The following SEMA6C variants were observed in gnomAD, a reference collection of about 807,000 sequenced individuals.
SEMA6C encodes the protein semaphorin 6C, also known as semaphorin-6C.
A neutral mutation model predicts 72.9 loss-of-function variants in SEMA6C; 37 were observed. That is an observed-to-expected ratio of 0.51 (90% CI 0.39 to 0.67). The LOEUF (loss-of-function observed/expected upper bound fraction) is 0.67. Ranked by LOEUF, SEMA6C falls within the 30% of genes least tolerant of loss-of-function variation. SEMA6C has a pLI of 0.00. For missense variants in SEMA6C, 1,189 were observed against 1,263.6 expected (o/e 0.94, Z 0.89); for synonymous variants, 578 against 554.1 (o/e 1.04, Z -0.61).
chr1:151,135,702 A>G lies in SEMA6C; in HGVS notation c.1322T>C (p.Met441Thr). The change falls in exon 14 of 19, where the codon ATG becomes ACG. Residue 441 changes from methionine (M) to threonine (T), a missense_variant. Around this residue, in one of 2 missense-constraint regions of SEMA6C, gnomAD observed 468 missense variants for 577.4 expected, o/e 0.81. Coordinates refer to ENST00000368914, the MANE Select transcript of SEMA6C (RefSeq NM_030913.6). ...TGTCCCATCATTGGAGCCAAGGAAC[A>G]TGACTGTGATGTTACTGTGGGGACC... ...MAGPHSNITV[M>T]FLGSNDGTVL... 3.7e-6 allele frequency: 6 copies of G among 1,614,154 alleles called. No homozygotes were observed. The highest frequency in any genetic ancestry group is 2.2e-5 in the East Asian group (1 of 44,880).
At position 151,135,196 on chromosome 1, in the gene SEMA6C, A is replaced by G; in HGVS notation, c.1547T>C (p.Leu516Pro). 1 of 1,614,098 alleles carries G rather than the reference A, an allele frequency of 6.2e-7. No individual in the cohort carries two copies. The highest frequency in any genetic ancestry group is 8.5e-7 in the Non-Finnish European group (1 of 1,179,968). ...GGCCCCATGCCGGGCACACCGGCTG[A>G]GAGGGAGGTAGACAATACAGCCAGA... ...AFSGCIVYLP[L>P]SRCARHGACQ... The change falls in exon 15 of 19, where the codon CTC (leucine) becomes CCC (proline). Residue 516 changes from leucine (L) to proline (P), a missense_variant. By Grantham distance (98) the Leu-to-Pro change is moderately conservative. Coordinates refer to ENST00000368914, the MANE Select transcript of SEMA6C (RefSeq NM_030913.6).
chr1:151,136,857 C>T lies in SEMA6C; in HGVS notation c.974G>A (p.Ser325Asn). ...LFGVFTTQTN[S>N]IPGSAVCAFY... Reference sequence around the variant, plus strand: ...TCACACTAGTCAGCCTAGTACCAACCTATTGGTCTGGGTGGTGAAGACCCC... The same window carrying T: ...TCACACTAGTCAGCCTAGTACCAACTTATTGGTCTGGGTGGTGAAGACCCC... The change falls in exon 11 of 19, where the codon AGC becomes AAC. Residue 325 changes from serine to asparagine, a missense_variant and splice_region_variant. By Grantham distance (46) the Ser-to-Asn change is conservative. Transcript: ENST00000368914. The T allele has an allele frequency of 1.2e-6, 2 of 1,613,334 alleles. No individual in the cohort carries two copies. The highest frequency in any genetic ancestry group is 4.5e-5 in the East Asian group (2 of 44,874).
chr1:151,134,452 A>G lies in SEMA6C; in HGVS notation c.1715-7T>C, dbSNP rs779384789. The G allele has an allele frequency of 1.2e-6, 2 of 1,605,128 alleles. No homozygotes were observed. The highest frequency in any genetic ancestry group is 1.7e-6 in the Non-Finnish European group (2 of 1,175,430). ...TGACTCCCAGTAGCTCCATCTATGAAGAAGGGACAGGGTGAAGATGGGGGG... is the reference window on the plus strand; with the variant it reads ...TGACTCCCAGTAGCTCCATCTATGAGGAAGGGACAGGGTGAAGATGGGGGG... On this transcript the variant is annotated splice_region_variant and splice_polypyrimidine_tract_variant and intron_variant, in intron 17 of 18. Transcript: ENST00000368914.
In SEMA6C at chr1:151,137,696, T is replaced by G. The variant is rs769049826; in HGVS notation, c.756+15A>C. On this transcript the variant is annotated intron_variant, in intron 10 of 18. Coordinates refer to ENST00000368914, the MANE Select transcript of SEMA6C (RefSeq NM_030913.6). ...AGAACCCTCCAGCTACCCACCCTGA[T>G]GCCCACCTCCTTACCCTCCCCAGCC... 2.5e-6 allele frequency: 4 copies of G among 1,604,952 alleles called. No individual in the cohort carries two copies. Among genetic ancestry groups the G allele is most frequent in the South Asian group, 1.1e-5 (1 of 90,316 alleles).
chr1:151,139,342 G>A, intron 6 of SEMA6C, 83 bp downstream of exon 6: 1 of 1,121,216 alleles, frequency 8.9e-7, no homozygotes, highest in Non-Finnish European at 1.4e-6. Flanking sequence ...GAAGGAAATT[G>A]GGCATAGTAG....
chr1:151,139,405 A>G lies in SEMA6C; in HGVS notation c.354+20T>C, dbSNP rs759662800. 2 of 1,609,046 alleles carry G rather than the reference A, an allele frequency of 1.2e-6. No individual in the cohort carries two copies. The highest frequency in any genetic ancestry group is 1.1e-5 in the South Asian group (1 of 90,946). Reference sequence around the variant, plus strand: ...AGAGTAATCCTCTCCTTCCCTCCACATTCTCGTCTCACTCCTTACCGTCAG... The same window carrying G: ...AGAGTAATCCTCTCCTTCCCTCCACGTTCTCGTCTCACTCCTTACCGTCAG... On this transcript the variant is annotated intron_variant, in intron 6 of 18. Coordinates refer to ENST00000368914, the MANE Select transcript of SEMA6C (RefSeq NM_030913.6).
Position 151,138,613 on chromosome 1 carries a change from C to T in SEMA6C, c.456+17G>A. ...TCCCCCCAACTCCCATCCTAACCCC[C>T]ACCCTCTCTTTTGTACCCCATAGCT... is the stretch of plus-strand genomic sequence containing the variant. On this transcript the variant is annotated intron_variant, in intron 7 of 18. Coordinates refer to ENST00000368914, the MANE Select transcript of SEMA6C (RefSeq NM_030913.6). 1 of 1,610,404 alleles carries T rather than the reference C, an allele frequency of 6.2e-7. No individual in the cohort carries two copies. The highest frequency in any genetic ancestry group is 8.5e-7 in the Non-Finnish European group (1 of 1,176,552).
In SEMA6C at chr1:151,139,966, G is replaced by A. The variant is rs1682393179; in HGVS notation, c.233+10C>T. On this transcript the variant is annotated intron_variant, in intron 4 of 18. Transcript: ENST00000368914. ...ATGTCTGCCCCACAACTGTGCCACGGCCAGTTTACCGGGCAGCCACTAGCA... is the reference window on the plus strand; with the variant it reads ...ATGTCTGCCCCACAACTGTGCCACGACCAGTTTACCGGGCAGCCACTAGCA... The A allele has an allele frequency of 6.2e-7, 1 of 1,611,574 alleles. No homozygotes were observed.
Position 151,133,632 on chromosome 1 carries a change from T to G in SEMA6C, c.1760-115A>C. 1 of 1,417,608 alleles carries G rather than the reference T, an allele frequency of 7.1e-7. No homozygotes were observed. Among genetic ancestry groups the G allele is most frequent in the Non-Finnish European group, 9.2e-7 (1 of 1,083,712 alleles). 87.8% of individuals were successfully genotyped at this position (1,417,608 alleles called of 1,614,324 possible). ...ACATCATCGTCCCTCCCGCTGCTAC[T>G]CAGCCTCACTCCTACAGCCTCCACC... On this transcript the variant is annotated intron_variant, in intron 18 of 18. Transcript: ENST00000368914. The surrounding 1 kb of genome is among the most constrained non-coding windows in gnomAD (Gnocchi z 5.9).
rs774320028 is a variant in SEMA6C at position 151,134,679 on chromosome 1, G to A, written c.1659-4C>T. The A allele has an allele frequency of 6.2e-7, 1 of 1,614,108 alleles. No homozygotes were observed. The highest frequency in any genetic ancestry group is 8.5e-7 in the Non-Finnish European group (1 of 1,180,006). ...CCCAGCCTGATCCACATCAGTCCTA[G>A]GAGGAAAACGAAGTGGCTATAGAAT... On this transcript the variant is annotated splice_polypyrimidine_tract_variant and splice_region_variant and intron_variant, in intron 16 of 18. Transcript: ENST00000368914.
At position 151,136,049 on chromosome 1, in the gene SEMA6C, T is replaced by C. The variant is rs975795198; in HGVS notation, c.1221A>G (p.Pro407=). ...KAHPLLDPAV[P]PVTHQPLLTL... is the part of the protein sequence containing the mutation. Reference sequence around the variant, plus strand: ...TGAGTAGAGGCTGATGGGTGACAGGTGGTACAGCGGGGTCCAGCAGCGGGT... The same window carrying C: ...TGAGTAGAGGCTGATGGGTGACAGGCGGTACAGCGGGGTCCAGCAGCGGGT... Residue 407 remains proline, a synonymous_variant, in exon 13 of 19, where the codon CCA becomes CCG. Transcript: ENST00000368914. The C allele has an allele frequency of 3.1e-6, 5 of 1,613,836 alleles. No individual in the cohort carries two copies. In the Admixed American group the frequency reaches 8.3e-5, roughly 27 times the overall value.
chr1:151,132,827 G>C lies in SEMA6C; in HGVS notation c.2450C>G (p.Pro817Arg). The change falls in exon 19 of 19, where the codon CCG becomes CGG. Residue 817 changes from proline (P) to arginine (R), a missense_variant. Pro to Arg is a moderately radical substitution (Grantham distance 103). Coordinates refer to ENST00000368914, the MANE Select transcript of SEMA6C (RefSeq NM_030913.6). Reference protein sequence around the residue: ...PSPRPHECASPLRLDVPPEGR... With the variant: ...PSPRPHECASRLRLDVPPEGR... ...CTCGGGGGGCACGTCCAGCCTCAGC[G>C]GCGAGGCGCACTCGTGGGGCCTGGG... is the stretch of plus-strand genomic sequence containing the variant. The C allele has an allele frequency of 7.7e-7, 1 of 1,295,382 alleles. No individual in the cohort carries two copies. The highest frequency in any genetic ancestry group is 2.1e-5 in the South Asian group (1 of 48,068). 80.2% of individuals were successfully genotyped at this position (1,295,382 alleles called of 1,614,324 possible). A position where few individuals can be genotyped will look rare whatever the true frequency, so the allele number is the denominator to read the frequency against.
chr1:151,132,882 G>C lies in SEMA6C; in HGVS notation c.2395C>G (p.Pro799Ala). ...GGGCCGCCCAAGAGGGCGGGGGCGG[G>C]CTCCGGCGGGAGCGCCCGCGAGGTT... ...PLTSRALPPE[P>A]APALLGGPSP... The change falls in exon 19 of 19, where the codon CCC becomes GCC. Residue 799 changes from proline (P) to alanine (A), a missense_variant. Coordinates refer to ENST00000368914, the MANE Select transcript of SEMA6C (RefSeq NM_030913.6). The C allele has an allele frequency of 6.1e-6, 8 of 1,306,266 alleles. No individual in the cohort carries two copies. The highest frequency in any genetic ancestry group is 7.8e-6 in the Non-Finnish European group (8 of 1,027,816). The allele number at this position is 1,306,266 out of a possible 1,614,324, so 80.9% of individuals were successfully genotyped here. A position where few individuals can be genotyped will look rare whatever the true frequency, so the allele number is the denominator to read the frequency against.
chr1:151,136,664 C>T (rs1682044927), intron 11 of SEMA6C, 85 bp from the exon 12 acceptor site: 8 of 1,543,366 alleles, frequency 5.2e-6, no homozygotes, highest in Non-Finnish European at 7.1e-6. Flanking sequence ...ACCCTTCATA[C>T]CACATTAAGA....
At chr1:151,138,205 C>T (rs1682224077) in intron 8 of SEMA6C, 100 bp from the exon 9 acceptor site, 9 of 1,579,972 alleles carry the variant, frequency 5.7e-6, no homozygotes, top group Non-Finnish European at 7.8e-6. Flanking sequence ...GGCCCTGGTC[C>T]CTACCTCAAC....
In SEMA6C at chr1:151,134,602, G is replaced by A. The variant is rs1036494454; in HGVS notation, c.1714+18C>T. ...ATGTGCAGCTTTGGCTGCAACAGCA[G>A]CTGCCTCTTCTGTTTACCTTGGCAG... On this transcript the variant is annotated intron_variant, in intron 17 of 18. Coordinates refer to ENST00000368914, the MANE Select transcript of SEMA6C (RefSeq NM_030913.6). 10 of 1,613,982 alleles carry A rather than the reference G, an allele frequency of 6.2e-6. No individual in the cohort carries two copies. The highest frequency in any genetic ancestry group is 8.5e-6 in the Non-Finnish European group (10 of 1,179,946).
rs758752528 is a variant in SEMA6C, at chr1:151,132,515, G to T, written c.2762C>A (p.Ala921Asp). 1 of 1,550,080 alleles carries T rather than the reference G, an allele frequency of 6.5e-7. No homozygotes were observed. Residue 921 changes from alanine (A) to aspartate (D), a missense_variant, in exon 19 of 19, where the codon GCC becomes GAC. Physicochemically the swap from Ala to Asp is moderately radical, Grantham distance 126. This residue lies in a region of SEMA6C where 721 missense variants were observed against 686.2 expected (regional missense o/e 1.05). Coordinates refer to ENST00000368914, the MANE Select transcript of SEMA6C (RefSeq NM_030913.6). ...PPLVGPSSRQAVPNGGRFNF is the reference protein window; with the variant it reads ...PPLVGPSSRQDVPNGGRFNF Reference sequence around the variant, plus strand: ...GTTGAAACGGCCGCCGTTCGGGACGGCCTGGCGGGAGGAGGGCCCGACGAG... The same window carrying T: ...GTTGAAACGGCCGCCGTTCGGGACGTCCTGGCGGGAGGAGGGCCCGACGAG...
chr1:151,138,828 C>T (rs1187504798), intron 6 of SEMA6C, 97 bp from the exon 7 acceptor site: 1 of 973,974 alleles, frequency 1.0e-6, no homozygotes, highest in Non-Finnish European at 1.6e-6. Context: ...CGTGGTGGCT[C>T]ACGCCTGTAA....
In SEMA6C at chr1:151,132,930, C is replaced by T. The variant is rs587771415; in HGVS notation, c.2347G>A (p.Gly783Arg). The T allele has an allele frequency of 3.2e-5, 44 of 1,394,736 alleles. No homozygotes were observed. The African/African-American group carries it at 6.7e-4, about 21-fold the overall frequency. 86.4% of individuals were successfully genotyped at this position (1,394,736 alleles called of 1,614,324 possible). Residue 783 changes from glycine to arginine, a missense_variant, in exon 19 of 19, where the codon GGG becomes AGG. By Grantham distance (125) the Gly-to-Arg change is moderately radical. This residue lies in a region of SEMA6C where 721 missense variants were observed against 686.2 expected (regional missense o/e 1.05). Transcript: ENST00000368914. ...YLHGPQPPRK[G>R]AEPPAPLTSR... ...GTTAAAGGGGCGGGGGGCTCGGCCC[C>T]CTTTCTGGGCGGCTGCGGGCCGTGC...
Sources: allele counts gnomAD v4.1 joint callset, GRCh38; gene constraint gnomAD v4.1.1; regional missense constraint gnomAD v4.1.1; non-coding constraint Gnocchi (gnomAD v3.1); transcripts MANE v1.5; gene names NCBI Gene and HGNC (gene_info 2026-07-23, HGNC 2026-07-21).